The following SYNE2 variants were observed in gnomAD, a reference collection of about 807,000 sequenced individuals.
The protein encoded by SYNE2 is nesprin-2.
SYNE2 carries 431 observed loss-of-function variants against 856.3 expected under a neutral mutation model. The observed-to-expected ratio is 0.50, with a 90% confidence interval of 0.47 to 0.55. SYNE2 has a LOEUF of 0.55. Ranked by LOEUF, SYNE2 falls within the 20% of genes least tolerant of loss-of-function variation. The pLI, the probability that SYNE2 is intolerant of heterozygous loss-of-function variation, is 0.00. For synonymous variants in SYNE2, 2,923 were observed against 2,872.3 expected (o/e 1.02, Z -0.56); for missense variants, 8,129 against 8,023.2 (o/e 1.01, Z -0.50).
chr14:63,921,920 A>C (rs1302487300), intron 2 of SYNE2, among the ~76,000 whole-genome samples: 1 of 152,262 alleles, frequency 6.6e-6, no homozygotes, highest in Non-Finnish European at 1.5e-5. Context: ...TGAATCAGAC[A>C]CATCTGGATT....
At chr14:63,838,658 A>G (rs933726423) in intron 1 of SYNE2, among the ~76,000 whole-genome samples, 1 of 152,002 alleles carries the variant, frequency 6.6e-6, no homozygotes, top group Non-Finnish European at 1.5e-5. Context: ...ATAGGCACGC[A>G]TAACTGAGCT....
chr14:64,188,070 A>C (rs900120504), intron 97 of SYNE2, among the ~76,000 whole-genome samples: 1 of 152,222 alleles, frequency 6.6e-6, no homozygotes, highest in African/African-American at 2.4e-5. Context: ...TTTGAAGCAT[A>C]ACACTAAGGA....
chr14:64,132,142 T>C, intron 76 of SYNE2, 123 bp from the exon 77 acceptor site: 2 of 1,179,058 alleles, frequency 1.7e-6, no homozygotes, highest in South Asian at 2.7e-5. Flanking sequence ...AATTTGACTC[T>C]ACACGGATGT....
At chr14:64,026,098 T>TCAGAATCATTTGGGATTATATCCAGA (rs1419099161) in intron 41 of SYNE2, among the ~76,000 whole-genome samples, 2 of 152,084 alleles carry the variant, frequency 1.3e-5, no homozygotes, top group African/African-American at 4.8e-5. Context: ...TAGTAAATAA[T>TCAGAATCATTTGGGATTATATCCAGA]CAGAATCATT....
chr14:63,894,205 A>ATT (rs760402717), intron 1 of SYNE2, among the ~76,000 whole-genome samples: 46 of 139,774 alleles, frequency 3.3e-4, no homozygotes, highest in African/African-American at 8.9e-4. Flanking sequence ...CATTTTATGG[A>ATT]TTTTTTTTTT....
chr14:63,963,029 T>C (rs1172497651), intron 9 of SYNE2, among the ~76,000 whole-genome samples: 2 of 152,246 alleles, frequency 1.3e-5, no homozygotes, highest in African/African-American at 4.8e-5. Flanking sequence ...AAAATGTATT[T>C]TAAACCACAT....
chr14:63,879,420 T>C (rs969211865), intron 1 of SYNE2, among the ~76,000 whole-genome samples: 3 of 152,190 alleles, frequency 2.0e-5, no homozygotes, highest in African/African-American at 4.8e-5. Flanking sequence ...CCATGAATCC[T>C]TGGGAGAAGC....
At position 63,997,284 on chromosome 14, in the gene SYNE2, T is replaced by G; in HGVS notation, c.3153-17T>G. ...TTCTTACCCTCTTTTAAACATGCAA[T>G]TTTGATTCCTTTCTAGGGGGACCAT... On this transcript the variant is annotated splice_polypyrimidine_tract_variant and intron_variant, in intron 24 of 115. Coordinates refer to ENST00000555002, the MANE Select transcript of SYNE2 (RefSeq NM_182914.3). The G allele has an allele frequency of 1.2e-6, 2 of 1,609,908 alleles. No individual in the cohort carries two copies. Among genetic ancestry groups the G allele is most frequent in the Non-Finnish European group, 1.7e-6 (2 of 1,177,172 alleles).
At chr14:63,940,895 G>C (rs983206111) in intron 3 of SYNE2, among the ~76,000 whole-genome samples, 1 of 152,130 alleles carries the variant, frequency 6.6e-6, no homozygotes, top group African/African-American at 2.4e-5. Context: ...CTTTTGTTGA[G>C]GATATGGGAC....
At chr14:64,206,673 C>G (rs1052074817) in intron 100 of SYNE2, among the ~76,000 whole-genome samples, 6 of 151,258 alleles carry the variant, frequency 4.0e-5, no homozygotes, top group Non-Finnish European at 7.4e-5. Flanking sequence ...CCATTTGATT[C>G]AATGTAAGCT....
intron 8 of SYNE2, chr14:63,960,612 T>C: frequency 1.7e-6 from 1 of 589,264 alleles, no homozygotes; most frequent in Non-Finnish European, 3.1e-6. Context: ...TGAAGTGTTT[T>C]TTTTTTTCCA....
chr14:64,168,742 A>G, intron 92 of SYNE2, 135 bp from the exon 93 acceptor site: 1 of 668,606 alleles, frequency 1.5e-6, no homozygotes, highest in Non-Finnish European at 2.6e-6. Context: ...CATTTTTTGC[A>G]GTAGGTTCAA....
Position 64,021,923 on chromosome 14 carries a change from C to G in SYNE2, c.5419C>G (p.Leu1807Val), listed in dbSNP as rs1392970830. ...ATTACTTGAGAATCAAATAGGTTGT[C>G]TGACTCCTGAACTCTCTGAATTGAA... ...MILLENQIGC[L>V]TPELSELKKQ... The change falls in exon 37 of 116, where the codon CTG becomes GTG. Residue 1807 changes from leucine (L) to valine (V), a missense_variant. By Grantham distance (32) the Leu-to-Val change is conservative (BLOSUM62 1). This residue lies in a region of SYNE2 where 2,422 missense variants were observed against 2,357.4 expected (regional missense o/e 1.03). Coordinates refer to ENST00000555002, the MANE Select transcript of SYNE2 (RefSeq NM_182914.3). 1 of 1,613,956 alleles carries G rather than the reference C, an allele frequency of 6.2e-7. No individual in the cohort carries two copies. Among genetic ancestry groups the G allele is most frequent in the South Asian group, 1.1e-5 (1 of 91,072 alleles).
At chr14:64,005,561 A>C (rs1241544560) in intron 30 of SYNE2, among the ~76,000 whole-genome samples, 1 of 152,234 alleles carries the variant, frequency 6.6e-6, no homozygotes, top group East Asian at 1.9e-4. Context: ...CCGAGTTACC[A>C]TTAACTGAGA....
chr14:64,020,472 A>G (rs2096928191), intron 35 of SYNE2, among the ~76,000 whole-genome samples: 1 of 152,230 alleles, frequency 6.6e-6, no homozygotes, highest in South Asian at 2.1e-4. Context: ...TTCAATTCCT[A>G]TGTTAAGTCC....
At chr14:63,782,463 A>C (rs553425234) in intron 1 of SYNE2, among the ~76,000 whole-genome samples, 2 of 102,384 alleles carry the variant, frequency 2.0e-5, no homozygotes, top group East Asian at 4.9e-4. Context: ...GTGAAACTCC[A>C]TCTCAAAAAA....
At chr14:63,904,747 C>T (rs75085174) in intron 1 of SYNE2, among the ~76,000 whole-genome samples, 7,125 of 152,134 alleles carry the variant, frequency 0.047, 253 homozygotes, top group Non-Finnish European at 0.075. Flanking sequence ...CAAATGTTTT[C>T]TTCCATTCTG....
intron 55 of SYNE2, among the ~76,000 whole-genome samples, chr14:64,079,270 CA>C (rs1341239205): frequency 6.6e-6 from 1 of 152,056 alleles, no homozygotes; most frequent in Non-Finnish European, 1.5e-5. Context: ...ATAAAAATTC[CA>C]AATTTATTTC....
intron 1 of SYNE2, among the ~76,000 whole-genome samples, chr14:63,891,399 T>G (rs1302590071): frequency 6.6e-6 from 1 of 152,048 alleles, no homozygotes; most frequent in Non-Finnish European, 1.5e-5. Flanking sequence ...AGGAAATGTG[T>G]GATATACAGG....
Sources: allele counts gnomAD v4.1 joint callset (sites outside exome capture counted in the v4.1 genomes callset), GRCh38; gene constraint gnomAD v4.1.1; regional missense constraint gnomAD v4.1.1; transcripts MANE v1.5; gene names NCBI Gene and HGNC (gene_info 2026-07-23, HGNC 2026-07-21).